Variants in ANKIB1 observed in about 807,000 individuals in gnomAD.
ANKIB1 encodes ankyrin repeat and IBR domain-containing protein 1.
A neutral mutation model predicts 122.1 loss-of-function variants in ANKIB1; 43 were observed. That is an observed-to-expected ratio of 0.35 (90% CI 0.28 to 0.45). ANKIB1 has a LOEUF of 0.45. ANKIB1 is among the 20% of genes least tolerant of loss of function. ANKIB1 has a pLI of 1.00. For synonymous variants in ANKIB1, 390 were observed against 442.0 expected, an observed-to-expected ratio of 0.88 and a Z score of 1.48; for missense variants, 992 against 1,329.5, an observed-to-expected ratio of 0.75 and a Z score of 3.95.
At chr7:92,357,504 A>G (rs895331523) in intron 9 of ANKIB1, among the ~76,000 whole-genome samples, 12 of 152,026 alleles carry the variant, frequency 7.9e-5, no homozygotes, top group Admixed American at 6.6e-4. Context: ...CAGGGCTGAG[A>G]TGGGCGGATC....
At chr7:92,342,269 C>T (rs1225906052) in intron 5 of ANKIB1, among the ~76,000 whole-genome samples, 2 of 152,012 alleles carry the variant, frequency 1.3e-5, no homozygotes, top group African/African-American at 2.4e-5. Context: ...TTGATTTCTT[C>T]GCCTAAATAA....
At chr7:92,266,475 C>T (rs923321989) in intron 1 of ANKIB1, among the ~76,000 whole-genome samples, 3 of 152,184 alleles carry the variant, frequency 2.0e-5, no homozygotes, top group African/African-American at 7.2e-5. Flanking sequence ...AGAGGCCCCC[C>T]TCTACCATCC....
intron 4 of ANKIB1, among the ~76,000 whole-genome samples, chr7:92,326,560 G>A (rs1585108734): frequency 6.6e-6 from 1 of 152,242 alleles, no homozygotes; most frequent in East Asian, 1.9e-4. Flanking sequence ...AGAATCCCAA[G>A]TCTGGATTTG....
intron 9 of ANKIB1, among the ~76,000 whole-genome samples, chr7:92,361,114 G>A (rs545344026): frequency 3.3e-5 from 5 of 152,162 alleles, no homozygotes; most frequent in South Asian, 2.1e-4. Context: ...TCCCTCCTCC[G>A]AATAATATTT....
intron 8 of ANKIB1, among the ~76,000 whole-genome samples, chr7:92,351,297 G>T (rs1375724762): frequency 6.6e-6 from 1 of 152,102 alleles, no homozygotes; most frequent in Non-Finnish European, 1.5e-5. Flanking sequence ...AAGAGGAAAG[G>T]GGAAAGGCTA....
At chr7:92,396,906 TTGTCC>T (rs1804908269) in intron 18 of ANKIB1, among the ~76,000 whole-genome samples, 1 of 152,180 alleles carries the variant, frequency 6.6e-6, no homozygotes, top group Non-Finnish European at 1.5e-5. Context: ...CTAGCCTTAG[TTGTCC>T]TGTAGACATT....
chr7:92,326,244 A>G (rs1198285536), intron 4 of ANKIB1, among the ~76,000 whole-genome samples: 1 of 152,226 alleles, frequency 6.6e-6, no homozygotes, highest in Non-Finnish European at 1.5e-5. Flanking sequence ...AGATTGTTTC[A>G]TATTATCCCT....
intron 7 of ANKIB1, among the ~76,000 whole-genome samples, chr7:92,346,619 A>G (rs1254109582): frequency 6.6e-6 from 1 of 152,202 alleles, no homozygotes; most frequent in African/African-American, 2.4e-5. Flanking sequence ...TCACAATCCA[A>G]AGCTATCCTT....
intron 12 of ANKIB1, 29 bp from the exon 13 acceptor site, chr7:92,387,769 A>G (rs773322246): frequency 6.4e-7 from 1 of 1,573,124 alleles, no homozygotes; most frequent in Admixed American, 1.9e-5. Context: ...AGTTTTTATA[A>G]AAGTCATTTG....
chr7:92,311,597 C>G (rs539986155), intron 3 of ANKIB1, among the ~76,000 whole-genome samples: 99 of 151,992 alleles, frequency 6.5e-4, no homozygotes, highest in Non-Finnish European at 1.3e-3. Flanking sequence ...TTGATGAAGT[C>G]ATCATTGGCA....
intron 1 of ANKIB1, among the ~76,000 whole-genome samples, chr7:92,272,020 G>C (rs1190788562): frequency 1.3e-5 from 2 of 152,186 alleles, no homozygotes; most frequent in African/African-American, 4.8e-5. Flanking sequence ...ACTAGGGGAA[G>C]GGGAAATGAA....
intron 5 of ANKIB1, among the ~76,000 whole-genome samples, chr7:92,340,779 A>G (rs1335488604): frequency 1.3e-5 from 2 of 152,234 alleles, no homozygotes; most frequent in East Asian, 3.8e-4. Context: ...TTGACAAGAA[A>G]TTGGTAAATA....
chr7:92,277,602 G>A (rs1376325498), intron 1 of ANKIB1, among the ~76,000 whole-genome samples: 7 of 152,084 alleles, frequency 4.6e-5, no homozygotes, highest in Non-Finnish European at 8.8e-5. Flanking sequence ...TCCATGTTAC[G>A]AGTTCATTTG....
intron 4 of ANKIB1, among the ~76,000 whole-genome samples, chr7:92,322,508 C>A (rs906297155): frequency 1.3e-5 from 2 of 151,878 alleles, no homozygotes; most frequent in African/African-American, 2.4e-5. Flanking sequence ...GTATTTATTG[C>A]TAAAAATGTA....
intron 10 of ANKIB1, among the ~76,000 whole-genome samples, chr7:92,362,549 A>G (rs1017033902): frequency 4.6e-5 from 7 of 151,896 alleles, no homozygotes; most frequent in African/African-American, 9.7e-5. Flanking sequence ...TCCTCCTCCT[A>G]TAGCCCTTTT....
chr7:92,324,073 A>G (rs1802971713), intron 4 of ANKIB1, among the ~76,000 whole-genome samples: 1 of 152,236 alleles, frequency 6.6e-6, no homozygotes, highest in South Asian at 2.1e-4. Context: ...AGGGAAGAGA[A>G]GGAGTGACTG....
At chr7:92,268,920 A>G (rs1441436379) in intron 1 of ANKIB1, among the ~76,000 whole-genome samples, 7 of 152,180 alleles carry the variant, frequency 4.6e-5, no homozygotes, top group Admixed American at 4.6e-4. Context: ...AATACCCTTC[A>G]TTTTTAGAAC....
intron 1 of ANKIB1, among the ~76,000 whole-genome samples, chr7:92,257,448 T>A (rs1801471799): frequency 6.6e-6 from 1 of 152,180 alleles, no homozygotes; most frequent in African/African-American, 2.4e-5. Context: ...AAAGAATTGG[T>A]GGTTTTTGAT....
chr7:92,296,238 A>G (rs1463302169), intron 2 of ANKIB1, among the ~76,000 whole-genome samples: 7 of 150,796 alleles, frequency 4.6e-5, no homozygotes, highest in East Asian at 3.9e-4. Flanking sequence ...TTTTTTTTTA[A>G]TAGAAACGGT....
Sources: allele counts gnomAD v4.1 joint callset (sites outside exome capture counted in the v4.1 genomes callset), GRCh38; gene constraint gnomAD v4.1.1; transcripts MANE v1.5; gene names NCBI Gene and HGNC (gene_info 2026-07-23, HGNC 2026-07-21).